Variants in OSBP2 observed in about 807,000 individuals in gnomAD.
OSBP2 encodes oxysterol binding protein 2.
A neutral mutation model predicts 96.0 loss-of-function variants in OSBP2; 66 were observed. The observed-to-expected ratio is 0.69, with a 90% CI of 0.56 to 0.84. The LOEUF is 0.84. Ranked by LOEUF, OSBP2 falls within the 40% of genes least tolerant of loss-of-function variation. The probability of loss-of-function intolerance (pLI) is 0.00; values close to 1 mark genes in which losing one functional copy is unlikely to be tolerated. For synonymous variants in OSBP2, 525 were observed against 520.9 expected (o/e 1.01, Z -0.11); for missense variants, 1,038 against 1,222.7 (o/e 0.85, Z 2.25).
At chr22:30,784,929 T>C (rs2090566328) in intron 2 of OSBP2, among the ~76,000 whole-genome samples, 1 of 152,084 alleles carries the variant, frequency 6.6e-6, no homozygotes, top group Non-Finnish European at 1.5e-5. Context: ...TGCACCACCA[T>C]GTCTGGCTAA....
chr22:30,901,273 T>A (rs994201096), intron 12 of OSBP2, among the ~76,000 whole-genome samples: 4 of 152,148 alleles, frequency 2.6e-5, no homozygotes, highest in Non-Finnish European at 4.4e-5. Flanking sequence ...TTTGCCATGT[T>A]GGCCAGGCTG....
intron 2 of OSBP2, among the ~76,000 whole-genome samples, chr22:30,781,897 A>C (rs2090523694): frequency 6.6e-6 from 1 of 152,216 alleles, no homozygotes; most frequent in Non-Finnish European, 1.5e-5. Flanking sequence ...CCATAATCCC[A>C]GCACTTTGGG....
intron 2 of OSBP2, among the ~76,000 whole-genome samples, chr22:30,801,008 G>T (rs920905211): frequency 6.6e-6 from 1 of 152,214 alleles, no homozygotes; most frequent in African/African-American, 2.4e-5. Flanking sequence ...GGTGAATTCT[G>T]AATGTTTTAT....
intron 2 of OSBP2, among the ~76,000 whole-genome samples, chr22:30,844,254 G>A (rs1026638151): frequency 2.6e-5 from 4 of 152,096 alleles, no homozygotes; most frequent in Admixed American, 1.3e-4. Flanking sequence ...GTCACCAGCC[G>A]CATTGTCCCC....
intron 1 of OSBP2, among the ~76,000 whole-genome samples, chr22:30,731,185 T>C (rs1302561332): frequency 4.0e-5 from 6 of 151,280 alleles, no homozygotes; most frequent in Non-Finnish European, 8.8e-5. Flanking sequence ...AATAAATAAA[T>C]AAATAAATGA....
At chr22:30,800,754 G>T (rs2090839911) in intron 2 of OSBP2, among the ~76,000 whole-genome samples, 1 of 152,208 alleles carries the variant, frequency 6.6e-6, no homozygotes, top group South Asian at 2.1e-4. Context: ...GGCTTTTCCA[G>T]AACCCAGAAA....
rs571951904 is a variant in OSBP2 at position 30,882,827 on chromosome 22, A to C, written c.1108-4599A>C. Among the ~76,000 whole-genome samples the C allele has an allele frequency of 2.6e-5, 4 of 152,338 alleles. No individual in the cohort carries two copies. The East Asian group carries it at 7.7e-4, about 29-fold the overall frequency. On this transcript the variant is annotated intron_variant, in intron 3 of 13. Transcript: ENST00000332585. ...AAAATAGTCATTTCTAAAGTATTAG[A>C]GTCCCTGTGAACAGCAAAGGTAGGA...
chr22:30,741,079 G>T, intron 1 of OSBP2, 82 bp from the exon 2 acceptor site: 1 of 1,102,228 alleles, frequency 9.1e-7, no homozygotes, highest in Non-Finnish European at 1.3e-6. Flanking sequence ...CTGAGATTCT[G>T]AGGATTTGCC....
intron 12 of OSBP2, among the ~76,000 whole-genome samples, chr22:30,896,647 A>ATT (rs60421891): frequency 0.015 from 2,158 of 144,028 alleles, 54 homozygotes; most frequent in African/African-American, 0.049. Context: ...GGCAAACTGG[A>ATT]TTTTTTTTTT....
chr22:30,842,335 T>C (rs1304841271), intron 2 of OSBP2, among the ~76,000 whole-genome samples: 1 of 151,890 alleles, frequency 6.6e-6, no homozygotes. Flanking sequence ...TACTAACAAC[T>C]TAACAATCAT....
intron 2 of OSBP2, among the ~76,000 whole-genome samples, chr22:30,864,416 T>G (rs2039286299): frequency 6.6e-6 from 1 of 152,130 alleles, no homozygotes; most frequent in Admixed American, 6.5e-5. Context: ...AAGAAAGAAA[T>G]CCCGCAATGC....
intron 2 of OSBP2, among the ~76,000 whole-genome samples, chr22:30,866,279 C>T (rs2039334953): frequency 1.3e-5 from 2 of 152,200 alleles, no homozygotes; most frequent in Non-Finnish European, 2.9e-5. Flanking sequence ...TGCCTCTTTG[C>T]TGGCTTTGAA....
At chr22:30,906,132 C>A in intron 13 of OSBP2, 63 bp downstream of exon 13, 1 of 1,610,772 alleles carries the variant, frequency 6.2e-7, no homozygotes, top group Middle Eastern at 1.9e-4. Context: ...GGGGGTGCCG[C>A]AGGGACGGAT....
At chr22:30,769,654 C>T (rs1398055355) in intron 2 of OSBP2, among the ~76,000 whole-genome samples, 2 of 151,274 alleles carry the variant, frequency 1.3e-5, no homozygotes, top group Admixed American at 1.3e-4. Flanking sequence ...ATCTCAAAAA[C>T]AAAAAAAATG....
intron 2 of OSBP2, among the ~76,000 whole-genome samples, chr22:30,769,369 G>T (rs1264440474): frequency 1.3e-5 from 2 of 152,132 alleles, no homozygotes; most frequent in East Asian, 3.9e-4. Context: ...TTTAAATTAG[G>T]CTGGGCACAG....
intron 2 of OSBP2, among the ~76,000 whole-genome samples, chr22:30,778,170 C>CTTTTTTTTTTTT (rs71202014): frequency 3.0e-5 from 2 of 67,016 alleles, no homozygotes; most frequent in Admixed American, 1.5e-4. Flanking sequence ...AATTTTTGCC[C>CTTTTTTTTTTTT]TTTTTTTTTT....
At chr22:30,901,201 T>C (rs1002954725) in intron 12 of OSBP2, among the ~76,000 whole-genome samples, 2 of 152,138 alleles carry the variant, frequency 1.3e-5, no homozygotes, top group Non-Finnish European at 1.5e-5. Flanking sequence ...CCTGAGGAGC[T>C]GGGATTACAG....
chr22:30,787,373 C>T (rs536964226), intron 2 of OSBP2, among the ~76,000 whole-genome samples: 8 of 151,900 alleles, frequency 5.3e-5, no homozygotes, highest in Admixed American at 4.6e-4. Flanking sequence ...CTTACTATCA[C>T]GAGAATAGAA....
chr22:30,888,610 C>T (rs2039869815), intron 5 of OSBP2, among the ~76,000 whole-genome samples: 1 of 152,120 alleles, frequency 6.6e-6, no homozygotes, highest in Non-Finnish European at 1.5e-5. Flanking sequence ...GGCCTGTAGT[C>T]CCAGCTACTT....
Sources: allele counts gnomAD v4.1 joint callset (sites outside exome capture counted in the v4.1 genomes callset), GRCh38; gene constraint gnomAD v4.1.1; transcripts MANE v1.5; gene names NCBI Gene and HGNC (gene_info 2026-07-23, HGNC 2026-07-21).